Variants in WWTR1 observed in about 807,000 individuals in gnomAD.
WWTR1 encodes the protein WW domain-containing transcription regulator protein 1.
Under a neutral mutation model 40.1 loss-of-function variants are expected in WWTR1, and 13 were observed. That is an observed-to-expected ratio of 0.32 (90% confidence interval 0.21 to 0.52). The LOEUF is 0.52. WWTR1 is among the 20% of genes least tolerant of loss of function. The probability of loss-of-function intolerance (pLI) is 0.97; values close to 1 mark genes in which losing one functional copy is unlikely to be tolerated. For synonymous variants in WWTR1, 230 were observed against 210.1 expected, an observed-to-expected ratio of 1.09 and a Z score of -0.82; for missense variants, 436 against 523.1, an observed-to-expected ratio of 0.83 and a Z score of 1.63.
intron 2 of WWTR1, among the ~76,000 whole-genome samples, chr3:149,573,202 A>G (rs545562646): frequency 2.4e-4 from 36 of 152,256 alleles, no homozygotes; most frequent in African/African-American, 7.2e-4. Flanking sequence ...GGATTCTGCA[A>G]GCAGCTCTCT....
rs771523887 is a variant in WWTR1, at chr3:149,526,086, G to C, written c.945C>G (p.Gly315=). 6.2e-7 allele frequency: 1 copy of C among 1,611,702 alleles called. No individual in the cohort carries two copies. Residue 315 remains glycine, a synonymous_variant, in exon 6 of 7, where the codon GGC becomes GGG. Transcript: ENST00000360632. ...YHSREQSTDS[G]LGLGCYSVPT... ...GGACACTGTAGCACCCTAACCCCAG[G>C]CCACTGTCAGTGCTCTGCTCCCTCG... is the stretch of plus-strand genomic sequence containing the variant.
intron 2 of WWTR1, among the ~76,000 whole-genome samples, chr3:149,651,057 G>A (rs1045488394): frequency 5.3e-5 from 8 of 152,258 alleles, no homozygotes; most frequent in African/African-American, 1.9e-4. Flanking sequence ...CTTTAAATAT[G>A]CTCATCTTTC....
At chr3:149,565,598 A>T (rs570088355) in intron 3 of WWTR1, among the ~76,000 whole-genome samples, 136 of 152,102 alleles carry the variant, frequency 8.9e-4, no homozygotes, top group Admixed American at 2.7e-3. Flanking sequence ...TTCCTTAAAA[A>T]CCGTAAAAGA....
chr3:149,613,781 A>G (rs1393794160), intron 2 of WWTR1, among the ~76,000 whole-genome samples: 1 of 152,186 alleles, frequency 6.6e-6, no homozygotes, highest in African/African-American at 2.4e-5. Context: ...CTTGGACTCA[A>G]GCGACCTGCC....
intron 1 of WWTR1, among the ~76,000 whole-genome samples, chr3:149,683,189 T>C (rs1165334466): frequency 6.6e-6 from 1 of 152,228 alleles, no homozygotes; most frequent in African/African-American, 2.4e-5. Context: ...AGGGATACTA[T>C]TATTCTTTTG....
chr3:149,521,117 A>G (rs1451740555), intron 6 of WWTR1, 128 bp from the exon 7 acceptor site: 1 of 1,097,568 alleles, frequency 9.1e-7, no homozygotes, highest in Non-Finnish European at 1.3e-6. Context: ...CTTACTCATA[A>G]GAGGTACAGA....
intron 4 of WWTR1, among the ~76,000 whole-genome samples, chr3:149,718,170 T>A (rs1194144321): frequency 6.6e-6 from 1 of 152,190 alleles, no homozygotes; most frequent in Non-Finnish European, 1.5e-5. Context: ...GGGCCTTCCA[T>A]AGTGTCCCAT....
At chr3:149,567,727 T>C (rs1481820418) in intron 3 of WWTR1, among the ~76,000 whole-genome samples, 1 of 152,188 alleles carries the variant, frequency 6.6e-6, no homozygotes, top group Non-Finnish European at 1.5e-5. Flanking sequence ...ACTACCTAAA[T>C]ACTCAAAACA....
At chr3:149,708,991 T>TTATTTA (rs1276894112) in intron 5 of WWTR1, among the ~76,000 whole-genome samples, 5 of 152,004 alleles carry the variant, frequency 3.3e-5, no homozygotes, top group Admixed American at 1.3e-4. Context: ...TTATTTGGTT[T>TTATTTA]TATTTATATT....
intron 1 of WWTR1, among the ~76,000 whole-genome samples, chr3:149,677,363 A>C (rs533968693): frequency 6.6e-6 from 1 of 152,368 alleles, no homozygotes; most frequent in East Asian, 1.9e-4. Context: ...ACGTAATATT[A>C]AAGTAGTGAT....
In WWTR1 at chr3:149,672,140, A is replaced by G. The variant is rs1000182366; in HGVS notation, c.-107-2249T>C. ...AAAGGCTACAAAAAAACAAAAAACA[A>G]ACAAACAAACAAACAAAAAAACAAC... On this transcript the variant is annotated intron_variant, in intron 1 of 7. Transcript: ENST00000465804. 4.6e-5 allele frequency among the ~76,000 whole-genome samples: 7 copies of G among 152,044 alleles called. No homozygotes were observed. The South Asian group carries it at 1.4e-3, about 31-fold the overall frequency.
chr3:149,698,320 G>T (rs953111942), intron 1 of WWTR1, among the ~76,000 whole-genome samples: 2 of 152,124 alleles, frequency 1.3e-5, no homozygotes, highest in Non-Finnish European at 2.9e-5. Context: ...TTTTCTAAGG[G>T]GCTTCCTCCT....
intron 3 of WWTR1, among the ~76,000 whole-genome samples, chr3:149,565,008 G>T (rs557873046): frequency 5.4e-4 from 82 of 152,080 alleles, no homozygotes; most frequent in African/African-American, 1.7e-3. Context: ...CCAACGTGGT[G>T]AAAACCTACC....
intron 1 of WWTR1, among the ~76,000 whole-genome samples, chr3:149,681,276 A>T (rs1451075224): frequency 6.6e-6 from 1 of 152,242 alleles, no homozygotes; most frequent in Non-Finnish European, 1.5e-5. Context: ...CAGTGGCTGT[A>T]CCATTTTACA....
chr3:149,618,292 C>G (rs1214563508), intron 2 of WWTR1, among the ~76,000 whole-genome samples: 1 of 152,202 alleles, frequency 6.6e-6, no homozygotes, highest in African/African-American at 2.4e-5. Context: ...CAATGTCTTG[C>G]AGCCAACAGA....
intron 4 of WWTR1, among the ~76,000 whole-genome samples, chr3:149,533,641 G>C (rs1343095272): frequency 6.6e-6 from 1 of 152,200 alleles, no homozygotes; most frequent in African/African-American, 2.4e-5. Context: ...AGGCAGCATG[G>C]CACAAGAGCA....
chr3:149,593,452 A>G (rs535200885), intron 2 of WWTR1, among the ~76,000 whole-genome samples: 1 of 151,970 alleles, frequency 6.6e-6, no homozygotes, highest in African/African-American at 2.4e-5. Flanking sequence ...GATTTCAGAA[A>G]TATTTGACTG....
At chr3:149,622,494 G>GATGAAAGAAAGA (rs1740335857) in intron 2 of WWTR1, among the ~76,000 whole-genome samples, 1 of 44,830 alleles carries the variant, frequency 2.2e-5, no homozygotes, top group Admixed American at 2.7e-4. Context: ...AGGAAGGAAG[G>GATGAAAGAAAGA]AAGGAAGGAA....
chr3:149,710,640 C>T (rs1402092665), intron 5 of WWTR1, among the ~76,000 whole-genome samples: 2 of 118,968 alleles, frequency 1.7e-5, no homozygotes, highest in Non-Finnish European at 3.2e-5. Context: ...AATGCAGTGG[C>T]GTGATCTTGG....
Sources: allele counts gnomAD v4.1 joint callset (sites outside exome capture counted in the v4.1 genomes callset), GRCh38; gene constraint gnomAD v4.1.1; transcripts MANE v1.5; gene names NCBI Gene and HGNC (gene_info 2026-07-23, HGNC 2026-07-21).